SBF2: variants seen among roughly 807,000 people sequenced by gnomAD.
The protein encoded by SBF2 is SET binding factor 2.
A neutral mutation model predicts 225.2 loss-of-function variants in SBF2; 112 were observed. That is an observed-to-expected ratio of 0.50 (90% CI 0.43 to 0.58). The LOEUF is 0.58. Among genes scored for constraint, SBF2 ranks in the 20% least tolerant of loss-of-function variants. The pLI is 0.00. For synonymous variants in SBF2, 763 were observed against 773.3 expected (o/e 0.99, Z 0.22); for missense variants, 1,996 against 2,206.2 (o/e 0.90, Z 1.91).
chr11:10,127,134 T>C (rs1306238523), intron 2 of SBF2, among the ~76,000 whole-genome samples: 1 of 152,118 alleles, frequency 6.6e-6, no homozygotes, highest in Non-Finnish European at 1.5e-5. Flanking sequence ...TGCACAACAA[T>C]GTGAATGTAC....
chr11:9,982,881 C>T (rs1311636123), intron 13 of SBF2, among the ~76,000 whole-genome samples: 1 of 152,138 alleles, frequency 6.6e-6, no homozygotes, highest in African/African-American at 2.4e-5. Flanking sequence ...GTTAGAGAGC[C>T]AAGCGAAATA....
chr11:10,174,529 G>A (rs1316947738), intron 2 of SBF2, among the ~76,000 whole-genome samples: 2 of 152,150 alleles, frequency 1.3e-5, no homozygotes, highest in Non-Finnish European at 2.9e-5. Context: ...CCAAATCTAC[G>A]TCTGACTGGT....
At chr11:9,806,344 T>TA (rs1377846926) in intron 32 of SBF2, among the ~76,000 whole-genome samples, 2 of 152,188 alleles carry the variant, frequency 1.3e-5, no homozygotes, top group Non-Finnish European at 2.9e-5. Context: ...AATGGTGGTA[T>TA]ACGGAGGCAG....
intron 25 of SBF2, among the ~76,000 whole-genome samples, chr11:9,841,958 A>T (rs1001826442): frequency 6.6e-6 from 1 of 152,112 alleles, no homozygotes; most frequent in Non-Finnish European, 1.5e-5. Context: ...ACCACCGGTG[A>T]CTGATTCTAA....
intron 17 of SBF2, among the ~76,000 whole-genome samples, chr11:9,867,471 A>G (rs1055283658): frequency 2.6e-5 from 4 of 152,212 alleles, no homozygotes; most frequent in African/African-American, 4.8e-5. Flanking sequence ...CATTATGCAA[A>G]AACAGTAGTG....
chr11:10,195,172 T>C (rs1487962445), intron 1 of SBF2, among the ~76,000 whole-genome samples: 1 of 152,142 alleles, frequency 6.6e-6, no homozygotes, highest in Non-Finnish European at 1.5e-5. Context: ...CTGTGCATTG[T>C]AGGATGTTTA....
At chr11:9,997,448 ACTT>A (rs779103438) in intron 9 of SBF2, among the ~76,000 whole-genome samples, 1 of 152,204 alleles carries the variant, frequency 6.6e-6, no homozygotes, top group East Asian at 1.9e-4. Flanking sequence ...TGTAGCATAT[ACTT>A]CTTCTTTGGT....
intron 1 of SBF2, among the ~76,000 whole-genome samples, chr11:10,210,148 G>A (rs1489926876): frequency 6.6e-6 from 1 of 151,900 alleles, no homozygotes; most frequent in Non-Finnish European, 1.5e-5. Flanking sequence ...TCTACAAAAA[G>A]AACACAAAAA....
chr11:10,216,037 G>A (rs1958118307), intron 1 of SBF2, among the ~76,000 whole-genome samples: 1 of 152,114 alleles, frequency 6.6e-6, no homozygotes. Context: ...CCCATTACCA[G>A]GTTAACATTT....
intron 5 of SBF2, 22 bp from the exon 6 acceptor site, chr11:10,028,579 A>AAC (rs147574797): frequency 6.8e-5 from 94 of 1,375,242 alleles, no homozygotes; most frequent in Admixed American, 1.2e-4. Context: ...GAGAAACACA[A>AAC]ACACACACAC....
intron 3 of SBF2, among the ~76,000 whole-genome samples, chr11:10,038,045 G>A (rs977639141): frequency 8.6e-5 from 13 of 151,746 alleles, no homozygotes; most frequent in African/African-American, 3.1e-4. Flanking sequence ...AGCTTCTATT[G>A]TTGGACACTG....
intron 16 of SBF2, among the ~76,000 whole-genome samples, chr11:9,922,021 G>A (rs1219215136): frequency 3.9e-5 from 6 of 152,150 alleles, no homozygotes; most frequent in African/African-American, 1.4e-4. Flanking sequence ...CAAGGTGGGA[G>A]GACTGCTTGA....
At chr11:10,293,980 G>C (rs574734336) in intron 1 of SBF2, 35 bp downstream of exon 1, 5 of 1,304,196 alleles carry the variant, frequency 3.8e-6, no homozygotes, top group Non-Finnish European at 4.9e-6. Context: ...CGGGGGGCGG[G>C]GAGGCCCGGG....
intron 32 of SBF2, among the ~76,000 whole-genome samples, chr11:9,799,170 C>A (rs1357183530): frequency 2.0e-5 from 3 of 152,156 alleles, no homozygotes; most frequent in African/African-American, 4.8e-5. Flanking sequence ...GTTGAACTTA[C>A]AGGCATTTCA....
intron 1 of SBF2, among the ~76,000 whole-genome samples, chr11:10,199,056 C>T (rs1234517349): frequency 6.6e-6 from 1 of 152,122 alleles, no homozygotes; most frequent in African/African-American, 2.4e-5. Flanking sequence ...TTATCTTGGC[C>T]TTTGACATGT....
intron 2 of SBF2, among the ~76,000 whole-genome samples, chr11:10,045,080 T>C (rs952490709): frequency 2.0e-5 from 3 of 152,062 alleles, no homozygotes; most frequent in Non-Finnish European, 2.9e-5. Flanking sequence ...AACGAGTTGT[T>C]TGGCAGGAGG....
At chr11:10,177,751 A>C in intron 2 of SBF2, among the ~76,000 whole-genome samples, 1 of 150,944 alleles carries the variant, frequency 6.6e-6, no homozygotes, top group East Asian at 2.0e-4. Flanking sequence ...CAATATTGTG[A>C]AAATGGCCAT....
chr11:9,929,600 T>C (rs891652752), intron 16 of SBF2, among the ~76,000 whole-genome samples: 3 of 152,204 alleles, frequency 2.0e-5, no homozygotes, highest in Non-Finnish European at 4.4e-5. Flanking sequence ...GGCCTGCAGC[T>C]GGCATTGGTC....
intron 2 of SBF2, among the ~76,000 whole-genome samples, chr11:10,063,119 T>C (rs1411545277): frequency 6.6e-6 from 1 of 152,034 alleles, no homozygotes; most frequent in Non-Finnish European, 1.5e-5. Context: ...TTCTCACTTA[T>C]AAGAACATAT....
Sources: gnomAD v4.1 joint callset for allele counts (sites outside exome capture counted in the v4.1 genomes callset) on GRCh38, gnomAD v4.1.1 for gene constraint, MANE v1.5 for transcripts, NCBI Gene and HGNC (gene_info 2026-07-23, HGNC 2026-07-21) for gene names.